Variants in ZHX2 observed in about 807,000 individuals in gnomAD.
The protein encoded by ZHX2 is zinc fingers and homeoboxes 2, also known as zinc fingers and homeoboxes protein 2.
ZHX2 carries 6 observed loss-of-function variants against 21.9 expected under a neutral mutation model. The observed-to-expected ratio is 0.27, with a 90% CI of 0.15 to 0.54. The LOEUF is 0.54. Among genes scored for constraint, ZHX2 ranks in the 20% least tolerant of loss-of-function variants. The pLI is 0.95. For synonymous variants in ZHX2, 434 were observed against 437.1 expected (o/e 0.99, Z 0.09); for missense variants, 908 against 1,090.7 (o/e 0.83, Z 2.36).
At chr8:122,946,565 G>C (rs1400491928) in intron 2 of ZHX2, among the ~76,000 whole-genome samples, 1 of 151,996 alleles carries the variant, frequency 6.6e-6, no homozygotes, top group East Asian at 1.9e-4. Context: ...CTCATTTCGG[G>C]GGCTCACTTG....
chr8:122,835,826 T>C (rs1008812134), intron 1 of ZHX2, among the ~76,000 whole-genome samples: 1 of 152,206 alleles, frequency 6.6e-6, no homozygotes, highest in Non-Finnish European at 1.5e-5. Flanking sequence ...CAATAATTGC[T>C]TAAGTCAGTT....
chr8:122,864,526 A>T (rs747832227), intron 2 of ZHX2, among the ~76,000 whole-genome samples: 30 of 152,060 alleles, frequency 2.0e-4, no homozygotes, highest in Non-Finnish European at 3.8e-4. Flanking sequence ...CTCATGCCAG[A>T]ACCACCAAAA....
intron 2 of ZHX2, among the ~76,000 whole-genome samples, chr8:122,913,189 A>G (rs903710219): frequency 2.6e-5 from 4 of 152,242 alleles, no homozygotes; most frequent in African/African-American, 9.6e-5. Flanking sequence ...ACATGTTGTA[A>G]GCATGTATCA....
chr8:122,910,962 G>C (rs1820465321), intron 2 of ZHX2, among the ~76,000 whole-genome samples: 1 of 152,208 alleles, frequency 6.6e-6, no homozygotes, highest in Non-Finnish European at 1.5e-5. Context: ...CCTGCCCACT[G>C]TATCGGCTAC....
Position 122,828,508 on chromosome 8 carries a change from A to T in ZHX2, c.-282-34969A>T, listed in dbSNP as rs1818308500. 1.3e-5 allele frequency among the ~76,000 whole-genome samples: 2 copies of T among 152,236 alleles called. No homozygotes were observed. Among genetic ancestry groups the T allele is most frequent in the Admixed American group, 6.5e-5 (1 of 15,284 alleles). ...AGACAGGGAGAGCTGCGGCCCACGA[A>T]TGCATCTACCAGTGTGCAGCTAAAC... On this transcript the variant is annotated intron_variant, in intron 1 of 3. Transcript: ENST00000314393. The surrounding 1 kb of genome is among the most constrained non-coding windows in gnomAD (Gnocchi z 5.2).
rs1343824089 is a variant in ZHX2 at position 122,953,799 on chromosome 8, G to T, written c.2289G>T (p.Lys763Asn). 1.2e-6 allele frequency: 2 copies of T among 1,614,150 alleles called. No homozygotes were observed. The highest frequency in any genetic ancestry group is 2.7e-5 in the African/African-American group (2 of 74,950). Reference protein sequence around the residue: ...SEPAKDCLPAKPSEATSDRSE... With the variant: ...SEPAKDCLPANPSEATSDRSE... ...CAGCAAAAGACTGTTTGCCAGCAAAGCCCTCAGAGGCCACCTCAGACCGGT... is the reference window on the plus strand; with the variant it reads ...CAGCAAAAGACTGTTTGCCAGCAAATCCCTCAGAGGCCACCTCAGACCGGT... Residue 763 changes from lysine to asparagine, a missense_variant, in exon 3 of 4, where the codon AAG (lysine) becomes AAT (asparagine). By Grantham distance (94) the Lys-to-Asn change is moderately conservative. Transcript: ENST00000314393. This position sits in a 1 kb window ranked among gnomAD's most constrained non-coding sequence, Gnocchi z 4.6.
intron 1 of ZHX2, among the ~76,000 whole-genome samples, chr8:122,803,192 C>A (rs367778986): frequency 1.3e-5 from 2 of 152,158 alleles, no homozygotes; most frequent in South Asian, 2.1e-4. Flanking sequence ...TCCCTCTCCC[C>A]ACTCTACCCC....
chr8:122,851,966 G>A (rs1477591359), intron 1 of ZHX2, among the ~76,000 whole-genome samples: 1 of 152,196 alleles, frequency 6.6e-6, no homozygotes, highest in Non-Finnish European at 1.5e-5. Flanking sequence ...TGCTTGCAAC[G>A]TCTGAGCAGA....
At chr8:122,941,456 C>T (rs866335197) in intron 2 of ZHX2, among the ~76,000 whole-genome samples, 1 of 152,144 alleles carries the variant, frequency 6.6e-6, no homozygotes, top group African/African-American at 2.4e-5. Flanking sequence ...TTCTGTGGAT[C>T]GTGTTTATAA....
chr8:122,925,719 T>C (rs931526611), intron 2 of ZHX2, among the ~76,000 whole-genome samples: 1 of 152,162 alleles, frequency 6.6e-6, no homozygotes, highest in Non-Finnish European at 1.5e-5. Flanking sequence ...GGTTCCGAAA[T>C]AGCTGACACA....
chr8:122,945,096 A>T (rs941389518), intron 2 of ZHX2, among the ~76,000 whole-genome samples: 2 of 152,258 alleles, frequency 1.3e-5, no homozygotes, highest in Non-Finnish European at 2.9e-5. Flanking sequence ...TCCAGCCCGC[A>T]AAACTGTGAG....
chr8:122,848,583 G>GTTTGCGGGTCCCATTCACAGGCCTTT (rs1264028682), intron 1 of ZHX2, among the ~76,000 whole-genome samples: 6 of 152,184 alleles, frequency 3.9e-5, no homozygotes, highest in Non-Finnish European at 8.8e-5. Context: ...CACAGGCCTT[G>GTTTGCGGGTCCCATTCACAGGCCTTT]TTTGCAGGTC....
At chr8:122,946,813 C>T (rs1433123280) in intron 2 of ZHX2, among the ~76,000 whole-genome samples, 1 of 152,066 alleles carries the variant, frequency 6.6e-6, no homozygotes. Flanking sequence ...GTCTCCCTTC[C>T]CTTACAGAGT....
chr8:122,825,457 A>C (rs946928220), intron 1 of ZHX2, among the ~76,000 whole-genome samples: 4 of 151,944 alleles, frequency 2.6e-5, no homozygotes, highest in African/African-American at 9.7e-5. Flanking sequence ...CCTACACCCC[A>C]TCCCTGTTCT....
intron 2 of ZHX2, among the ~76,000 whole-genome samples, chr8:122,887,552 T>C (rs1819874767): frequency 6.6e-6 from 1 of 152,028 alleles, no homozygotes; most frequent in Admixed American, 6.5e-5. Context: ...AAAATATATA[T>C]ACATATATAC....
chr8:122,787,088 G>GGTGTGTGTGTGTGT lies in ZHX2; in HGVS notation c.-283+5155_-283+5168dup, dbSNP rs35726514. On this transcript the variant is annotated intron_variant, in intron 1 of 3. Coordinates refer to ENST00000314393, the MANE Select transcript of ZHX2 (RefSeq NM_014943.5). ...CAGTTAAGAGGGGTTGATTGGCAGTGGTGTGTGTGTGTGTGTGTGTGTGTG... is the reference window on the plus strand; with the variant it reads ...CAGTTAAGAGGGGTTGATTGGCAGTGGTGTGTGTGTGTGTGTGTGTGTGTGTGTGTGTGTGTGTG... Among the ~76,000 whole-genome samples, 575 of 148,554 alleles carry GGTGTGTGTGTGTGT rather than the reference G, an allele frequency of 3.9e-3. 1 individual carries two copies. The highest frequency in any genetic ancestry group is 0.013 in the African/African-American group (526 of 40,228).
At position 122,952,823 on chromosome 8, in the gene ZHX2, T is replaced by C. The variant is rs774178938; in HGVS notation, c.1313T>C (p.Leu438Pro). 9 of 1,613,690 alleles carry C rather than the reference T, an allele frequency of 5.6e-6. No homozygotes were observed. The African/African-American group carries it at 8.0e-5, about 14-fold the overall frequency. Reference sequence around the variant, plus strand: ...CCACCCAAGGTGGCCAACCCCCCGCTCACACCAGCCAGTGACCGCAAGAAG... The same window carrying C: ...CCACCCAAGGTGGCCAACCCCCCGCCCACACCAGCCAGTGACCGCAAGAAG... ...EPPPKVANPP[L>P]TPASDRKKTK... The change falls in exon 3 of 4, where the codon CTC becomes CCC. Residue 438 changes from leucine to proline, a missense_variant. Around this residue, in one of 4 missense-constraint regions of ZHX2, gnomAD observed 232 missense variants for 361.8 expected, o/e 0.64. Transcript: ENST00000314393. The surrounding 1 kb of genome is among the most constrained non-coding windows in gnomAD (Gnocchi z 6.9).
chr8:122,940,821 A>G (rs537714705), intron 2 of ZHX2, among the ~76,000 whole-genome samples: 15 of 152,332 alleles, frequency 9.8e-5, no homozygotes, highest in African/African-American at 3.1e-4. Context: ...GCATGGAGCC[A>G]GGATTATCTA....
At chr8:122,947,711 A>C (rs1395776421) in intron 2 of ZHX2, among the ~76,000 whole-genome samples, 1 of 152,010 alleles carries the variant, frequency 6.6e-6, no homozygotes, top group East Asian at 1.9e-4. Flanking sequence ...CTGACTTTTC[A>C]ATGGAGACCT....
Sources: allele counts gnomAD v4.1 joint callset (sites outside exome capture counted in the v4.1 genomes callset), GRCh38; gene constraint gnomAD v4.1.1; regional missense constraint gnomAD v4.1.1; non-coding constraint Gnocchi (gnomAD v3.1); transcripts MANE v1.5; gene names NCBI Gene and HGNC (gene_info 2026-07-23, HGNC 2026-07-21).